Variants in BRCA2 observed in about 807,000 individuals in gnomAD.
BRCA2 encodes breast cancer type 2 susceptibility protein.
A neutral mutation model predicts 276.7 loss-of-function variants in BRCA2; 203 were observed. The ratio of observed to expected loss-of-function variants is 0.73; its 90% CI spans 0.65 to 0.82. BRCA2 has a LOEUF of 0.82. Ranked by LOEUF, BRCA2 falls within the 40% of genes least tolerant of loss-of-function variation. The pLI, the probability that BRCA2 is intolerant of heterozygous loss-of-function variation, is 0.00. For synonymous variants in BRCA2, 1,289 were observed against 1,338.4 expected, an observed-to-expected ratio of 0.96 and a Z score of 0.81; for missense variants, 3,920 against 3,915.0, an observed-to-expected ratio of 1.00 and a Z score of -0.03.
intron 18 of BRCA2, among the ~76,000 whole-genome samples, chr13:32,365,461 A>G (rs1303006241): frequency 1.3e-5 from 2 of 151,600 alleles, no homozygotes; most frequent in South Asian, 2.1e-4. Flanking sequence ...GCTCACTGCA[A>G]CCTCCGCCTC....
At chr13:32,324,515 A>G (rs536743028) in intron 3 of BRCA2, among the ~76,000 whole-genome samples, 1 of 152,314 alleles carries the variant, frequency 6.6e-6, no homozygotes, top group East Asian at 1.9e-4. Flanking sequence ...CCTTCATACT[A>G]TGGAGTTTGA....
In BRCA2 at chr13:32,333,061, A is replaced by G. The variant is rs1060502393; in HGVS notation, c.1583A>G (p.Asn528Ser). 4 of 1,609,958 alleles carry G rather than the reference A, an allele frequency of 2.5e-6. No homozygotes were observed. The highest frequency in any genetic ancestry group is 3.4e-6 in the Non-Finnish European group (4 of 1,179,166). ...TTTTCAGGTCATATGACTGATCCAA[A>G]CTTTAAAAAAGAAACTGAAGCCTCT... ...ASFSGHMTDPNFKKETEASES... is the reference protein window; with the variant it reads ...ASFSGHMTDPSFKKETEASES... Residue 528 changes from asparagine (N) to serine (S), a missense_variant, in exon 10 of 27, where the codon AAC (asparagine) becomes AGC (serine). Transcript: ENST00000380152.
intron 20 of BRCA2, 78 bp from the exon 21 acceptor site, chr13:32,376,592 G>GT: frequency 6.7e-7 from 1 of 1,501,040 alleles, no homozygotes; most frequent in Non-Finnish European, 9.2e-7. Flanking sequence ...TTCTTTGGGT[G>GT]TTTTATGCTT....
chr13:32,346,111 C>G (rs1168084995), intron 12 of BRCA2, among the ~76,000 whole-genome samples: 2 of 151,792 alleles, frequency 1.3e-5, no homozygotes, highest in African/African-American at 4.8e-5. Context: ...GTTCATTCAT[C>G]AGAACTACAA....
intron 13 of BRCA2, among the ~76,000 whole-genome samples, chr13:32,349,095 G>A (rs773023138): frequency 4.0e-5 from 6 of 151,502 alleles, no homozygotes; most frequent in South Asian, 2.1e-4. Context: ...GGTGGCACAC[G>A]CCTGTAATCC....
rs144001573 is a variant in BRCA2, at chr13:32,381,652, G to T, written c.9256+1507G>T. Among the ~76,000 whole-genome samples the T allele has an allele frequency of 2.7e-3, 404 of 152,250 alleles. 4 individuals are homozygous for T. Among genetic ancestry groups the T allele is most frequent in the African/African-American group, 8.8e-3 (366 of 41,554 alleles). On this transcript the variant is annotated intron_variant, in intron 24 of 26. Transcript: ENST00000380152. ...AGAGCCAGGTCGTGTGGGGGTCCTT[G>T]TGTGGACTGTAACTTCCTGTGATGA...
chr13:32,391,834 G>A (rs1451821952), intron 24 of BRCA2, among the ~76,000 whole-genome samples: 1 of 152,096 alleles, frequency 6.6e-6, no homozygotes, highest in African/African-American at 2.4e-5. Context: ...AAAGAAATAA[G>A]GCTTCCATTT....
intron 20 of BRCA2, among the ~76,000 whole-genome samples, chr13:32,375,748 C>T (rs2072866814): frequency 2.0e-5 from 3 of 152,026 alleles, no homozygotes; most frequent in African/African-American, 4.8e-5. Context: ...TTAGTAGAGA[C>T]GGGGTTTCAC....
In BRCA2 at chr13:32,363,298, A is replaced by G. The variant is rs1330144220; in HGVS notation, c.8096A>G (p.Asn2699Ser). 1 of 1,614,204 alleles carries G rather than the reference A, an allele frequency of 6.2e-7. No homozygotes were observed. The highest frequency in any genetic ancestry group is 1.1e-5 in the South Asian group (1 of 91,088). Residue 2699 changes from asparagine (N) to serine (S), a missense_variant, in exon 18 of 27, where the codon AAT (asparagine) becomes AGT (serine). Asn to Ser is a conservative substitution (Grantham distance 46). Around this residue, in one of 2 missense-constraint regions of BRCA2, gnomAD observed 3,263 missense variants for 3,156.9 expected, o/e 1.03. Coordinates refer to ENST00000380152, the MANE Select transcript of BRCA2 (RefSeq NM_000059.4). ...TCTGACATAATTTCATTGAGCGCAA[A>G]TATATCTGAAACTTCTAGCAATAAA... ...CVSDIISLSA[N>S]ISETSSNKTS...
At chr13:32,392,413 C>CA (rs1201813790) in intron 24 of BRCA2, among the ~76,000 whole-genome samples, 3 of 152,070 alleles carry the variant, frequency 2.0e-5, no homozygotes. Flanking sequence ...TGGCTAGGCA[C>CA]AGTGGCTCAT....
rs747546242 is a variant in BRCA2 at position 32,332,963 on chromosome 13, T to A, written c.1485T>A (p.Ala495=). The change falls in exon 10 of 27, where the codon GCT becomes GCA. Residue 495 remains alanine (A), a synonymous_variant. Transcript: ENST00000380152. ...KQAISGTSPV[A]SSFQGIKKSI... ...CAATATCTGGAACTTCTCCAGTGGCTTCTTCATTTCAGGGTATCAAAAAGT... is the reference window on the plus strand; with the variant it reads ...CAATATCTGGAACTTCTCCAGTGGCATCTTCATTTCAGGGTATCAAAAAGT... 6.2e-7 allele frequency: 1 copy of A among 1,600,278 alleles called. No homozygotes were observed. The highest frequency in any genetic ancestry group is 8.5e-7 in the Non-Finnish European group (1 of 1,176,826).
chr13:32,318,152 A>G (rs936361465), intron 2 of BRCA2, among the ~76,000 whole-genome samples: 3 of 152,246 alleles, frequency 2.0e-5, no homozygotes, highest in African/African-American at 7.2e-5. Context: ...TGCCACTGCC[A>G]TAACTCATGC....
rs55712212 is a variant in BRCA2, at chr13:32,341,176, G to T, written c.6821G>T (p.Gly2274Val). The T allele has an allele frequency of 8.1e-4, 1,312 of 1,613,926 alleles. 6 individuals are homozygous for T. The highest frequency in any genetic ancestry group is 4.0e-4 in the Non-Finnish European group (474 of 1,179,910). The part of the protein sequence containing the change: ...LSNSRIGKRR[G>V]EPLILVGEPS... Reference sequence around the variant, plus strand: ...AATTCAAGAATTGGAAAAAGAAGAGGAGAGCCCCTTATCTTAGTGGGTAAG... The same window carrying T: ...AATTCAAGAATTGGAAAAAGAAGAGTAGAGCCCCTTATCTTAGTGGGTAAG... Residue 2274 changes from glycine (G) to valine (V), a missense_variant, in exon 11 of 27, where the codon GGA becomes GTA. Around this residue, in one of 2 missense-constraint regions of BRCA2, gnomAD observed 3,263 missense variants for 3,156.9 expected, o/e 1.03. Transcript: ENST00000380152.
At chr13:32,353,326 T>C (rs953550437) in intron 13 of BRCA2, among the ~76,000 whole-genome samples, 1 of 152,202 alleles carries the variant, frequency 6.6e-6, no homozygotes, top group African/African-American at 2.4e-5. Flanking sequence ...TCAGTAGAAC[T>C]GGTCCCCCTG....
intron 18 of BRCA2, among the ~76,000 whole-genome samples, chr13:32,365,007 G>A (rs1169585827): frequency 6.6e-6 from 1 of 151,730 alleles, no homozygotes; most frequent in Non-Finnish European, 1.5e-5. Flanking sequence ...CTTAGGGTAA[G>A]GTTGGCTGGA....
At chr13:32,352,509 T>C (rs2072659970) in intron 13 of BRCA2, among the ~76,000 whole-genome samples, 1 of 152,114 alleles carries the variant, frequency 6.6e-6, no homozygotes, top group African/African-American at 2.4e-5. Context: ...TCTAAGAACA[T>C]AGAAAAATTA....
chr13:32,379,776 TCA>T lies in BRCA2; in HGVS notation c.8981_8982del (p.Ser2994Ter). 6.2e-7 allele frequency: 1 copy of T among 1,612,798 alleles called. No individual in the cohort carries two copies. Among genetic ancestry groups the T allele is most frequent in the Non-Finnish European group, 8.5e-7 (1 of 1,178,812 alleles). On this transcript the variant is annotated frameshift_variant, in exon 23 of 27. Coordinates refer to ENST00000380152, the MANE Select transcript of BRCA2 (RefSeq NM_000059.4). LOFTEE classifies it high-confidence loss of function. ...SVILSIWRPS[S>X]DLYSLLTEGK... ...TATACTGAGTATTTGGCGTCCATCATCAGATTTATATTCTCTGTTAACAGAAG... is the reference window on the plus strand; with the variant it reads ...TATACTGAGTATTTGGCGTCCATCATGATTTATATTCTCTGTTAACAGAAG...
intron 11 of BRCA2, among the ~76,000 whole-genome samples, chr13:32,343,696 C>T (rs2072589662): frequency 2.1e-5 from 3 of 145,454 alleles, no homozygotes. Flanking sequence ...AGTATATTGA[C>T]TTTCCACCTA....
chr13:32,398,133 G>T (rs2137662339), intron 26 of BRCA2, 29 bp from the exon 27 acceptor site: 1 of 1,586,560 alleles, frequency 6.3e-7, no homozygotes, highest in South Asian at 1.1e-5. Context: ...ACATAATTAT[G>T]ATAGGCTACG....
Sources: allele counts gnomAD v4.1 joint callset (sites outside exome capture counted in the v4.1 genomes callset), GRCh38; gene constraint gnomAD v4.1.1; regional missense constraint gnomAD v4.1.1; transcripts MANE v1.5; gene names NCBI Gene and HGNC (gene_info 2026-07-23, HGNC 2026-07-21).